Variants in CCSER1 observed in about 807,000 individuals in gnomAD.
CCSER1 encodes serine-rich coiled-coil domain-containing protein 1.
In CCSER1, 41 loss-of-function variants were observed where a neutral mutation model predicts 82.0. The observed-to-expected ratio is 0.50, with a 90% CI of 0.39 to 0.65. The LOEUF (loss-of-function observed/expected upper bound fraction) is 0.65. Among genes scored for constraint, CCSER1 ranks in the 30% least tolerant of loss-of-function variants. The pLI is 0.00. For synonymous variants in CCSER1, 414 were observed against 383.9 expected, an observed-to-expected ratio of 1.08 and a Z score of -0.92; for missense variants, 1,119 against 1,064.2, an observed-to-expected ratio of 1.05 and a Z score of -0.72.
Position 90,672,670 on chromosome 4 carries a change from G to A in CCSER1, c.1932+44438G>A, listed in dbSNP as rs76026947. 3.0e-3 allele frequency among the ~76,000 whole-genome samples: 464 copies of A among 152,168 alleles called. 3 individuals carry two copies. Among genetic ancestry groups the A allele is most frequent in the African/African-American group, 0.011 (441 of 41,560 alleles). On this transcript the variant is annotated intron_variant, in intron 6 of 10. Transcript: ENST00000509176. ...GTGCAAGAGACCTAGCTTTTGGCTT[G>A]TCTCAGTTTTAGACATGACTTCCTC...
At chr4:91,057,499 G>A (rs1353364424) in intron 9 of CCSER1, among the ~76,000 whole-genome samples, 2 of 152,116 alleles carry the variant, frequency 1.3e-5, no homozygotes, top group East Asian at 1.9e-4. Context: ...ATAATTGGAC[G>A]ATAATTTGGA....
intron 1 of CCSER1, among the ~76,000 whole-genome samples, chr4:90,305,117 C>T (rs534427046): frequency 8.5e-5 from 13 of 152,140 alleles, no homozygotes; most frequent in Non-Finnish European, 1.5e-4. Flanking sequence ...GGGGTTTCAC[C>T]GTGTTAGCCA....
At chr4:90,627,591 A>G (rs189782170) in intron 5 of CCSER1, among the ~76,000 whole-genome samples, 248 of 152,260 alleles carry the variant, frequency 1.6e-3, no homozygotes, top group Non-Finnish European at 2.4e-3. Flanking sequence ...TGGAAAGATT[A>G]TATCCTAAAA....
chr4:91,598,871 C>T lies in CCSER1; in HGVS notation c.2517C>T (p.Leu839=). The T allele has an allele frequency of 5.8e-6, 9 of 1,551,626 alleles. No individual in the cohort carries two copies. The highest frequency in any genetic ancestry group is 7.8e-6 in the Non-Finnish European group (9 of 1,146,928). The change falls in exon 11 of 11, where the codon CTC becomes CTT. Residue 839 remains leucine, a synonymous_variant. Transcript: ENST00000509176. ...AGCCAACAGCTAAGACAGAAGGGCT[C>T]TCCACGTTCTTAGAGAAACCAAAGG... ...SLKPTAKTEG[L]STFLEKPKDQ...
chr4:90,551,700 C>CTATATATA (rs1226739623), intron 5 of CCSER1, among the ~76,000 whole-genome samples: 3 of 117,218 alleles, frequency 2.6e-5, no homozygotes, highest in South Asian at 3.1e-4. Flanking sequence ...CTCTCTCTCT[C>CTATATATA]TCTCTCTATA....
chr4:90,720,279 T>G (rs1179784176), intron 6 of CCSER1, among the ~76,000 whole-genome samples: 2 of 141,204 alleles, frequency 1.4e-5, no homozygotes, highest in African/African-American at 5.3e-5. Context: ...GAGCCCTGGT[T>G]TGTTTTTTAG....
intron 4 of CCSER1, among the ~76,000 whole-genome samples, chr4:90,430,584 C>T (rs1758134611): frequency 6.6e-6 from 1 of 151,856 alleles, no homozygotes; most frequent in Admixed American, 6.6e-5. Flanking sequence ...ATTTTAGCAG[C>T]CACACTGGTT....
In CCSER1 at chr4:91,555,431, T is replaced by C. The variant is rs532878157; in HGVS notation, c.2218-43141T>C. Among the ~76,000 whole-genome samples the C allele has an allele frequency of 5.2e-4, 79 of 151,254 alleles. 2 individuals are homozygous for C. Among genetic ancestry groups the C allele is most frequent in the African/African-American group, 1.8e-3 (74 of 41,314 alleles). On this transcript the variant is annotated intron_variant, in intron 10 of 10. Transcript: ENST00000509176. ...TATCAACTAAATATACCAAATATACTAAGACTAGTTTAAAGCCCAATGCCC... is the reference window on the plus strand; with the variant it reads ...TATCAACTAAATATACCAAATATACCAAGACTAGTTTAAAGCCCAATGCCC...
At chr4:91,280,696 G>A (rs932010007) in intron 10 of CCSER1, among the ~76,000 whole-genome samples, 13 of 152,236 alleles carry the variant, frequency 8.5e-5, no homozygotes, top group African/African-American at 3.1e-4. Context: ...GTCTATAAGT[G>A]GGGTATAATA....
chr4:90,348,080 A>G (rs962203918), intron 3 of CCSER1, among the ~76,000 whole-genome samples: 1 of 152,152 alleles, frequency 6.6e-6, no homozygotes, highest in South Asian at 2.1e-4. Flanking sequence ...ACATATGGAC[A>G]CATGGAGGGG....
intron 8 of CCSER1, among the ~76,000 whole-genome samples, chr4:90,880,275 G>A (rs1319620850): frequency 1.3e-5 from 2 of 152,148 alleles, no homozygotes; most frequent in Non-Finnish European, 2.9e-5. Flanking sequence ...AGGAACCTTA[G>A]TAGTAGTTAT....
intron 9 of CCSER1, among the ~76,000 whole-genome samples, chr4:90,996,717 A>T (rs1272268224): frequency 2.6e-5 from 4 of 152,150 alleles, no homozygotes; most frequent in East Asian, 1.9e-4. Flanking sequence ...TCCATTCTAA[A>T]TTTTTTTCAT....
chr4:91,572,812 A>T (rs148725490), intron 10 of CCSER1, among the ~76,000 whole-genome samples: 12 of 151,174 alleles, frequency 7.9e-5, no homozygotes, highest in African/African-American at 9.7e-5. Context: ...AAATCTATAA[A>T]AAAAAAAAAA....
chr4:91,181,103 A>G (rs549567355), intron 10 of CCSER1, among the ~76,000 whole-genome samples: 20 of 152,374 alleles, frequency 1.3e-4, no homozygotes, highest in African/African-American at 4.6e-4. Context: ...CATTAGGGCC[A>G]TTATGAACAT....
chr4:90,731,700 A>G (rs1580197414), intron 7 of CCSER1, among the ~76,000 whole-genome samples: 1 of 152,194 alleles, frequency 6.6e-6, no homozygotes, highest in African/African-American at 2.4e-5. Flanking sequence ...AATAAATTTT[A>G]AGAGGGTTCT....
intron 5 of CCSER1, among the ~76,000 whole-genome samples, chr4:90,580,336 A>G (rs527907669): frequency 6.6e-6 from 1 of 152,286 alleles, no homozygotes; most frequent in Non-Finnish European, 1.5e-5. Flanking sequence ...TTCCTCATGT[A>G]TAAAATGCAA....
intron 5 of CCSER1, among the ~76,000 whole-genome samples, chr4:90,470,855 C>A (rs1764302546): frequency 6.9e-6 from 1 of 145,074 alleles, no homozygotes; most frequent in South Asian, 2.2e-4. Context: ...AATTCTGAAA[C>A]AATCACTATA....
chr4:90,308,186 A>G, intron 1 of CCSER1, 58 bp from the exon 2 acceptor site: 1 of 1,245,456 alleles, frequency 8.0e-7, no homozygotes, highest in Non-Finnish European at 1.1e-6. Flanking sequence ...TTGTTTTAAA[A>G]TGTATTATTT....
intron 1 of CCSER1, among the ~76,000 whole-genome samples, chr4:90,232,201 CA>C (rs1744729303): frequency 6.6e-6 from 1 of 152,058 alleles, no homozygotes; most frequent in South Asian, 2.1e-4. Context: ...CTGGAGGCAT[CA>C]CACTACCTGA....
Sources: gnomAD v4.1 joint callset for allele counts (sites outside exome capture counted in the v4.1 genomes callset) on GRCh38, gnomAD v4.1.1 for gene constraint, MANE v1.5 for transcripts, NCBI Gene and HGNC (gene_info 2026-07-23, HGNC 2026-07-21) for gene names.